Variants in PRKN observed in about 807,000 individuals in gnomAD.
PRKN encodes parkin RBR E3 ubiquitin protein ligase.
Under a neutral mutation model 59.5 loss-of-function variants are expected in PRKN, and 56 were observed. The ratio of observed to expected loss-of-function variants is 0.94; its 90% CI spans 0.76 to 1.18. The LOEUF (loss-of-function observed/expected upper bound fraction) is 1.18, where lower values mean the gene tolerates loss of function less well. PRKN is among the 50% of genes most tolerant of loss of function. The pLI is 0.00. For synonymous variants in PRKN, 250 were observed against 222.1 expected, an observed-to-expected ratio of 1.13 and a Z score of -1.12; for missense variants, 657 against 596.4, an observed-to-expected ratio of 1.10 and a Z score of -1.06.
chr6:162,120,512 T>C (rs1780866506), intron 4 of PRKN, among the ~76,000 whole-genome samples: 1 of 152,162 alleles, frequency 6.6e-6, no homozygotes. Flanking sequence ...AACCAATTCA[T>C]GGTAACTAAA....
In PRKN at chr6:161,473,110, G is replaced by T. The variant is rs570865086; in HGVS notation, c.1083+75744C>A. Among the ~76,000 whole-genome samples, 1 of 151,986 alleles carries T rather than the reference G, an allele frequency of 6.6e-6. No homozygotes were observed. The highest frequency in any genetic ancestry group is 1.5e-5 in the Non-Finnish European group (1 of 67,972). ...AGGTTCCTTAAAAAATAAAAAAATA[G>T]AACTATAGCACCATATGATCCAGCA... On this transcript the variant is annotated intron_variant, in intron 9 of 11. Transcript: ENST00000366898. This position sits in a 1 kb window ranked among gnomAD's most constrained non-coding sequence, Gnocchi z 4.1.
rs948562811 is a variant in PRKN, at chr6:162,336,024, T to A, written c.172-73259A>T. The stretch of plus-strand genomic sequence containing the variant: ...CAGTGCGGCCCATCTCACACTGGAA[T>A]GCGTGATGCTAAAGAACCTCTACAG... On this transcript the variant is annotated intron_variant, in intron 2 of 11. Transcript: ENST00000366898. Among the ~76,000 whole-genome samples the A allele has an allele frequency of 1.0e-3, 157 of 151,664 alleles. 1 individual carries two copies. Among genetic ancestry groups the A allele is most frequent in the African/African-American group, 3.6e-3 (147 of 41,232 alleles).
At chr6:162,461,155 C>A (rs1383400337) in intron 1 of PRKN, among the ~76,000 whole-genome samples, 1 of 150,924 alleles carries the variant, frequency 6.6e-6, no homozygotes, top group Non-Finnish European at 1.5e-5. Flanking sequence ...ATGATACATG[C>A]TATATTAGGG....
At chr6:161,661,694 G>C (rs111914286) in intron 7 of PRKN, among the ~76,000 whole-genome samples, 1 of 152,088 alleles carries the variant, frequency 6.6e-6, no homozygotes, top group African/African-American at 2.4e-5. Flanking sequence ...TCAACATCTA[G>C]AACAGTGCCT....
chr6:162,133,646 G>T (rs1781459710), intron 4 of PRKN, among the ~76,000 whole-genome samples: 1 of 152,100 alleles, frequency 6.6e-6, no homozygotes, highest in Admixed American at 6.6e-5. Flanking sequence ...TAATTTAAAA[G>T]GTATAATAAT....
chr6:162,175,417 G>C (rs1250815552), intron 4 of PRKN, among the ~76,000 whole-genome samples: 1 of 152,170 alleles, frequency 6.6e-6, no homozygotes, highest in Non-Finnish European at 1.5e-5. Context: ...ACTTTATGAA[G>C]ATGTCCTGAA....
chr6:161,746,653 TATAG>T (rs1331794904), intron 7 of PRKN, among the ~76,000 whole-genome samples: 1 of 146,708 alleles, frequency 6.8e-6, no homozygotes, highest in Non-Finnish European at 1.5e-5. Context: ...TATATATCTA[TATAG>T]ATATATATGT....
Position 162,287,280 on chromosome 6 carries a change from C to A in PRKN, c.172-24515G>T, listed in dbSNP as rs146554850. 8.1e-3 allele frequency among the ~76,000 whole-genome samples: 1,240 copies of A among 152,264 alleles called. 15 individuals carry two copies. Among genetic ancestry groups the A allele is most frequent in the African/African-American group, 0.027 (1,123 of 41,558 alleles). Reference sequence around the variant, plus strand: ...GATGTCTCCCTATAAAAATTCACTGCACATTGCCAGGCATGGGGGTTCTCG... The same window carrying A: ...GATGTCTCCCTATAAAAATTCACTGAACATTGCCAGGCATGGGGGTTCTCG... On this transcript the variant is annotated intron_variant, in intron 2 of 11. Transcript: ENST00000366898.
intron 1 of PRKN, among the ~76,000 whole-genome samples, chr6:162,649,332 A>AT (rs1016330013): frequency 3.3e-5 from 5 of 152,182 alleles, no homozygotes; most frequent in African/African-American, 1.2e-4. Context: ...TAACCATATA[A>AT]TTCATCATAC....
chr6:161,841,856 T>A (rs1349512349), intron 6 of PRKN, among the ~76,000 whole-genome samples: 2 of 152,204 alleles, frequency 1.3e-5, no homozygotes, highest in African/African-American at 4.8e-5. Context: ...AGTAATTTTC[T>A]ATCCAACAAC....
At chr6:162,703,726 A>C (rs1778240076) in intron 1 of PRKN, among the ~76,000 whole-genome samples, 1 of 152,218 alleles carries the variant, frequency 6.6e-6, no homozygotes, top group African/African-American at 2.4e-5. Flanking sequence ...TCGTGAGTAG[A>C]GCCTGATTAT....
Position 162,151,257 on chromosome 6 carries a change from C to T in PRKN, c.534+49874G>A, listed in dbSNP as rs61178936. 9.4e-3 allele frequency among the ~76,000 whole-genome samples: 1,438 copies of T among 152,232 alleles called. 29 individuals are homozygous for T. Among genetic ancestry groups the T allele is most frequent in the African/African-American group, 0.033 (1,352 of 41,528 alleles). On this transcript the variant is annotated intron_variant, in intron 4 of 11. Coordinates refer to ENST00000366898, the MANE Select transcript of PRKN (RefSeq NM_004562.3). ...TGCATGGATGGGCAAGCTGGCTGGCCGAGAGTTTGTCTCAAGGTTTGGCTC... is the reference window on the plus strand; with the variant it reads ...TGCATGGATGGGCAAGCTGGCTGGCTGAGAGTTTGTCTCAAGGTTTGGCTC...
At chr6:161,734,693 T>C (rs1787893060) in intron 7 of PRKN, among the ~76,000 whole-genome samples, 1 of 152,186 alleles carries the variant, frequency 6.6e-6, no homozygotes, top group Admixed American at 6.5e-5. Flanking sequence ...AAACAGTTGC[T>C]TTTTTCACTT....
intron 2 of PRKN, among the ~76,000 whole-genome samples, chr6:162,416,747 G>C (rs1044016934): frequency 2.0e-5 from 3 of 152,044 alleles, no homozygotes; most frequent in African/African-American, 7.2e-5. Context: ...ATTGGGGACA[G>C]ACAATATTTT....
intron 4 of PRKN, among the ~76,000 whole-genome samples, chr6:162,150,700 C>T (rs559258626): frequency 8.7e-4 from 133 of 152,204 alleles, no homozygotes; most frequent in Non-Finnish European, 1.6e-3. Context: ...CTTTCCCTGC[C>T]AGCTTTTTTC....
chr6:162,231,235 C>T (rs1288402199), intron 3 of PRKN, among the ~76,000 whole-genome samples: 3 of 152,166 alleles, frequency 2.0e-5, no homozygotes, highest in African/African-American at 7.2e-5. Flanking sequence ...CCCTCCTGAT[C>T]ACCCTCCATG....
At chr6:162,443,963 A>C (rs1403278499) in intron 1 of PRKN, among the ~76,000 whole-genome samples, 1 of 152,168 alleles carries the variant, frequency 6.6e-6, no homozygotes, top group East Asian at 1.9e-4. Flanking sequence ...GCTATGGCTC[A>C]GAGCCCTAGA....
intron 9 of PRKN, among the ~76,000 whole-genome samples, chr6:161,494,390 A>T (rs58571912): frequency 0.081 from 12,311 of 152,250 alleles, 726 homozygotes; most frequent in African/African-American, 0.16. Flanking sequence ...GTCAGCTGAG[A>T]AGCCTGACTG....
At chr6:161,382,191 T>C (rs184903521) in intron 10 of PRKN, among the ~76,000 whole-genome samples, 1 of 149,524 alleles carries the variant, frequency 6.7e-6, no homozygotes, top group East Asian at 2.0e-4. Flanking sequence ...TTTGTGAAGA[T>C]ACAGAGAAAC....
Sources: gnomAD v4.1 joint callset for allele counts (sites outside exome capture counted in the v4.1 genomes callset) on GRCh38, gnomAD v4.1.1 for gene constraint, Gnocchi (gnomAD v3.1) non-coding constraint, MANE v1.5 for transcripts, NCBI Gene and HGNC (gene_info 2026-07-23, HGNC 2026-07-21) for gene names.